The following SPAG16 variants were observed in gnomAD, a reference collection of about 807,000 sequenced individuals.
The protein encoded by SPAG16 is sperm-associated antigen 16 protein.
A neutral mutation model predicts 80.4 loss-of-function variants in SPAG16; 86 were observed. That is an observed-to-expected ratio of 1.07 (90% confidence interval 0.90 to 1.28). The LOEUF is 1.28. SPAG16 is among the 50% of genes most tolerant of loss of function. The pLI is 0.00. For synonymous variants in SPAG16, 294 were observed against 265.9 expected, an observed-to-expected ratio of 1.11 and a Z score of -1.03; for missense variants, 870 against 765.3, an observed-to-expected ratio of 1.14 and a Z score of -1.61.
chr2:213,736,552 T>A (rs1245495027), intron 10 of SPAG16, among the ~76,000 whole-genome samples: 1 of 152,036 alleles, frequency 6.6e-6, no homozygotes, highest in Non-Finnish European at 1.5e-5. Context: ...CCTCCCAAAG[T>A]GTTTGGATTA....
intron 15 of SPAG16, among the ~76,000 whole-genome samples, chr2:214,247,895 G>A (rs993188343): frequency 6.6e-6 from 1 of 152,004 alleles, no homozygotes; most frequent in Non-Finnish European, 1.5e-5. Context: ...GGGCACGGTG[G>A]TATGCACCTA....
chr2:213,376,063 CTT>C (rs899578333), intron 9 of SPAG16, among the ~76,000 whole-genome samples: 8 of 151,062 alleles, frequency 5.3e-5, no homozygotes, highest in Non-Finnish European at 1.2e-4. Flanking sequence ...AAACTAATCA[CTT>C]TTTTGTTATA....
At chr2:213,964,273 T>C (rs1438629493) in intron 12 of SPAG16, among the ~76,000 whole-genome samples, 1 of 152,128 alleles carries the variant, frequency 6.6e-6, no homozygotes, top group Non-Finnish European at 1.5e-5. Flanking sequence ...GAAAGGACAA[T>C]AAATATGCAA....
chr2:214,008,397 G>C (rs1024418714), intron 12 of SPAG16, among the ~76,000 whole-genome samples: 3 of 151,434 alleles, frequency 2.0e-5, no homozygotes, highest in Non-Finnish European at 4.4e-5. Flanking sequence ...TCTTGTGTAT[G>C]GATTACATTT....
intron 12 of SPAG16, among the ~76,000 whole-genome samples, chr2:213,974,960 A>C (rs113915849): frequency 2.6e-5 from 4 of 150,982 alleles, no homozygotes; most frequent in Non-Finnish European, 5.9e-5. Context: ...AAAAAAAAAA[A>C]AAAAACACAA....
At chr2:213,892,180 C>A (rs2076808384) in intron 11 of SPAG16, among the ~76,000 whole-genome samples, 1 of 152,024 alleles carries the variant, frequency 6.6e-6, no homozygotes, top group Admixed American at 6.6e-5. Flanking sequence ...TTCCTCCCTG[C>A]CAGGACATCC....
chr2:214,110,640 A>G (rs371742677), intron 14 of SPAG16, among the ~76,000 whole-genome samples: 9 of 152,180 alleles, frequency 5.9e-5, no homozygotes, highest in African/African-American at 2.2e-4. Flanking sequence ...ATAATCCTTT[A>G]GGTATATACC....
At chr2:213,372,888 C>T (rs540880459) in intron 8 of SPAG16, among the ~76,000 whole-genome samples, 1 of 152,058 alleles carries the variant, frequency 6.6e-6, no homozygotes, top group Admixed American at 6.5e-5. Flanking sequence ...GATATTTATC[C>T]AAGAGCCTGA....
At chr2:213,524,830 TA>T (rs1438977123) in intron 10 of SPAG16, among the ~76,000 whole-genome samples, 1 of 152,232 alleles carries the variant, frequency 6.6e-6, no homozygotes, top group Non-Finnish European at 1.5e-5. Flanking sequence ...TTGCCTTGTC[TA>T]AGAAGAGACT....
At chr2:214,024,226 T>C (rs1164397766) in intron 13 of SPAG16, among the ~76,000 whole-genome samples, 1 of 151,594 alleles carries the variant, frequency 6.6e-6, no homozygotes, top group Non-Finnish European at 1.5e-5. Context: ...AAATACCAGA[T>C]ACAAAAATTC....
At chr2:213,878,601 G>A (rs2076228876) in intron 11 of SPAG16, among the ~76,000 whole-genome samples, 1 of 152,048 alleles carries the variant, frequency 6.6e-6, no homozygotes, top group African/African-American at 2.4e-5. Context: ...CCATCCTGCA[G>A]GTTGCCTGTA....
chr2:213,341,612 A>C (rs1388977651), intron 6 of SPAG16, among the ~76,000 whole-genome samples: 2 of 152,270 alleles, frequency 1.3e-5, no homozygotes, highest in Middle Eastern at 3.4e-3. Flanking sequence ...GGCATCCTGT[A>C]GCCCCAACTC....
chr2:214,074,569 A>G (rs908567462), intron 13 of SPAG16, among the ~76,000 whole-genome samples: 26 of 152,304 alleles, frequency 1.7e-4, no homozygotes, highest in Non-Finnish European at 1.3e-4. Flanking sequence ...AACACTTTCA[A>G]TTATCAAAAT....
intron 10 of SPAG16, among the ~76,000 whole-genome samples, chr2:213,748,626 A>C (rs1284385847): frequency 6.6e-6 from 1 of 152,178 alleles, no homozygotes; most frequent in Non-Finnish European, 1.5e-5. Context: ...ATAAGAAAGG[A>C]AATCTGAAAG....
intron 11 of SPAG16, among the ~76,000 whole-genome samples, chr2:213,899,658 G>A (rs1345755014): frequency 2.0e-5 from 3 of 151,958 alleles, no homozygotes; most frequent in Non-Finnish European, 4.4e-5. Flanking sequence ...AAACAACCAC[G>A]TTTATATGAG....
In SPAG16 at chr2:213,989,940, A is replaced by G. The variant is rs78733024; in HGVS notation, c.1401-24011A>G. On this transcript the variant is annotated intron_variant, in intron 12 of 15. Coordinates refer to ENST00000331683, the MANE Select transcript of SPAG16 (RefSeq NM_024532.5). ...TATATAGTGTTCATATTGCAAAAAA[A>G]TAAAAATTGCCTTGATTTTAGAATA... is the stretch of plus-strand genomic sequence containing the variant. Among the ~76,000 whole-genome samples, 1,398 of 152,242 alleles carry G rather than the reference A, an allele frequency of 9.2e-3. 41 individuals are homozygous for G. Among genetic ancestry groups the G allele is most frequent in the East Asian group, 0.09 (467 of 5,182 alleles).
chr2:213,928,178 C>T (rs907533894), intron 11 of SPAG16, among the ~76,000 whole-genome samples: 6 of 151,848 alleles, frequency 4.0e-5, no homozygotes, highest in East Asian at 1.9e-4. Flanking sequence ...CTCTGCCTTC[C>T]GGGTTCAAGT....
At chr2:214,225,401 G>A (rs1309314077) in intron 15 of SPAG16, among the ~76,000 whole-genome samples, 1 of 152,122 alleles carries the variant, frequency 6.6e-6, no homozygotes. Context: ...ATAACCCAGG[G>A]GAAAGCTGAT....
At chr2:214,336,817 A>G (rs1013877029) in intron 15 of SPAG16, among the ~76,000 whole-genome samples, 2 of 150,846 alleles carry the variant, frequency 1.3e-5, no homozygotes, top group African/African-American at 4.8e-5. Flanking sequence ...TAATGTAATG[A>G]TATATCTCTA....
Sources: allele counts gnomAD v4.1 joint callset (sites outside exome capture counted in the v4.1 genomes callset), GRCh38; gene constraint gnomAD v4.1.1; transcripts MANE v1.5; gene names NCBI Gene and HGNC (gene_info 2026-07-23, HGNC 2026-07-21).